Variants in KCNMA1 observed in about 807,000 individuals in gnomAD.
KCNMA1 encodes the protein Calcium-activated potassium channel subunit alpha-1.
A neutral mutation model predicts 140.0 loss-of-function variants in KCNMA1; 29 were observed. The ratio of observed to expected loss-of-function variants is 0.21; its 90% CI spans 0.15 to 0.28. The LOEUF is 0.28. KCNMA1 is among the 10% of genes least tolerant of loss of function. The pLI is 1.00. For missense variants in KCNMA1, 880 were observed against 1,602.2 expected, an observed-to-expected ratio of 0.55 and a Z score of 7.70; for synonymous variants, 612 against 611.9, an observed-to-expected ratio of 1.00 and a Z score of 0.00.
intron 2 of KCNMA1, among the ~76,000 whole-genome samples, chr10:77,312,525 C>A (rs185370498): frequency 3.8e-4 from 58 of 152,284 alleles, no homozygotes; most frequent in Non-Finnish European, 6.6e-4. Context: ...ACTTGGGAGG[C>A]TGAGAGAGGA....
chr10:77,160,397 C>T (rs531664692), intron 5 of KCNMA1, among the ~76,000 whole-genome samples: 3 of 152,320 alleles, frequency 2.0e-5, no homozygotes, highest in African/African-American at 7.2e-5. Context: ...GCTCCCCCAG[C>T]AAGTCCCTAT....
intron 11 of KCNMA1, 47 bp downstream of exon 11, chr10:77,086,440 AC>A: frequency 7.1e-7 from 1 of 1,401,452 alleles, no homozygotes; most frequent in South Asian, 1.2e-5. Flanking sequence ...CTCCCCCCAG[AC>A]CCACACCAAG....
chr10:77,120,956 G>A lies in KCNMA1; in HGVS notation c.884+17C>T. 6.7e-7 allele frequency: 1 copy of A among 1,497,558 alleles called. No individual in the cohort carries two copies. The highest frequency in any genetic ancestry group is 9.3e-7 in the Non-Finnish European group (1 of 1,074,916). 92.8% of individuals were successfully genotyped at this position (1,497,558 alleles called of 1,614,324 possible). On this transcript the variant is annotated intron_variant, in intron 6 of 27. Coordinates refer to ENST00000286628, the MANE Select transcript of KCNMA1 (RefSeq NM_001161352.2). ...TAGGGGACTGGAATGAAAAAAATAT[G>A]ACGAAGAACATCTTACCTTGTTTTA...
chr10:76,948,881 C>G (rs75871361), intron 22 of KCNMA1: 1 of 535,992 alleles, frequency 1.9e-6, no homozygotes, highest in African/African-American at 1.9e-5. Context: ...AGTGTTTAGA[C>G]GCTGATATGG....
chr10:77,554,141 C>T (rs1448765566), intron 1 of KCNMA1, among the ~76,000 whole-genome samples: 1 of 152,156 alleles, frequency 6.6e-6, no homozygotes, highest in Non-Finnish European at 1.5e-5. Context: ...CAAGCCAAGC[C>T]GGACTGCCCA....
intron 1 of KCNMA1, among the ~76,000 whole-genome samples, chr10:77,594,439 G>C (rs982821910): frequency 3.9e-5 from 6 of 152,158 alleles, no homozygotes; most frequent in Non-Finnish European, 8.8e-5. Flanking sequence ...GTCGGATGGG[G>C]CCAGTCAGCA....
intron 25 of KCNMA1, among the ~76,000 whole-genome samples, chr10:76,896,140 G>T (rs2042397989): frequency 6.6e-6 from 1 of 152,198 alleles, no homozygotes; most frequent in African/African-American, 2.4e-5. Flanking sequence ...GGAGGCCAGG[G>T]AGTGTTTCAT....
chr10:77,003,773 A>C (rs916682240), intron 18 of KCNMA1, among the ~76,000 whole-genome samples: 3 of 152,224 alleles, frequency 2.0e-5, no homozygotes, highest in African/African-American at 7.2e-5. Flanking sequence ...TGGAGAAAGA[A>C]AGTTCTTATA....
intron 1 of KCNMA1, among the ~76,000 whole-genome samples, chr10:77,438,247 C>G (rs531038700): frequency 2.4e-4 from 37 of 152,104 alleles, no homozygotes; most frequent in African/African-American, 8.4e-4. Context: ...CATGTGGGCT[C>G]TAATTTTTCT....
chr10:77,307,916 G>A (rs765374454), intron 2 of KCNMA1, among the ~76,000 whole-genome samples: 3 of 152,136 alleles, frequency 2.0e-5, no homozygotes, highest in Admixed American at 1.3e-4. Flanking sequence ...ACCATTGTAC[G>A]TTGAGAAGCA....
At chr10:77,129,530 A>G (rs1413091698) in intron 5 of KCNMA1, among the ~76,000 whole-genome samples, 3 of 152,208 alleles carry the variant, frequency 2.0e-5, no homozygotes, top group Non-Finnish European at 4.4e-5. Context: ...ATCAATTTTA[A>G]AGAACATACT....
intron 3 of KCNMA1, among the ~76,000 whole-genome samples, chr10:77,248,740 GC>G (rs1227671445): frequency 2.0e-5 from 3 of 151,884 alleles, no homozygotes; most frequent in Admixed American, 2.0e-4. Flanking sequence ...CATTCACTAA[GC>G]TCGATTATAA....
In KCNMA1 at chr10:77,188,502, AT is replaced by A. The variant is rs573895769; in HGVS notation, c.603-3587del. ...TACTAAAACCACAGGCAAATTTAGC[AT>A]GTTGACCAGGACTCCATGACTGAGC... On this transcript the variant is annotated intron_variant, in intron 3 of 27. Transcript: ENST00000286628. 2.5e-4 allele frequency among the ~76,000 whole-genome samples: 38 copies of A among 152,314 alleles called. No homozygotes were observed. The South Asian group carries it at 7.7e-3, about 31-fold the overall frequency.
intron 1 of KCNMA1, among the ~76,000 whole-genome samples, chr10:77,632,115 T>A (rs931121835): frequency 2.0e-5 from 3 of 152,088 alleles, no homozygotes; most frequent in African/African-American, 7.2e-5. Flanking sequence ...TTGAGGGCAT[T>A]TTAACCACTT....
At chr10:77,053,068 A>G (rs1202977712) in intron 14 of KCNMA1, among the ~76,000 whole-genome samples, 1 of 152,196 alleles carries the variant, frequency 6.6e-6, no homozygotes, top group Non-Finnish European at 1.5e-5. Flanking sequence ...CAGCATCCCC[A>G]GAAAACTGAC....
At chr10:77,153,758 T>C (rs769206522) in intron 5 of KCNMA1, among the ~76,000 whole-genome samples, 1 of 152,190 alleles carries the variant, frequency 6.6e-6, no homozygotes, top group Non-Finnish European at 1.5e-5. Context: ...TTTGAAATCA[T>C]TTATGGGAGC....
At position 77,108,989 on chromosome 10, in the gene KCNMA1, G is replaced by A. The variant is rs1203564992; in HGVS notation, c.1132-417C>T. 6.6e-6 allele frequency among the ~76,000 whole-genome samples: 1 copy of A among 151,392 alleles called. No individual in the cohort carries two copies. The highest frequency in any genetic ancestry group is 2.4e-5 in the African/African-American group (1 of 41,182). On this transcript the variant is annotated intron_variant, in intron 8 of 27. Transcript: ENST00000286628. The surrounding 1 kb of genome is among the most constrained non-coding windows in gnomAD (Gnocchi z 4.6). ...CTTCCTTTGTCATTAAAATTCAGAG[G>A]AGAATCAATGCTTTTATGAGTGACA...
intron 1 of KCNMA1, among the ~76,000 whole-genome samples, chr10:77,435,176 G>A (rs539733476): frequency 5.3e-5 from 8 of 151,986 alleles, no homozygotes; most frequent in South Asian, 2.1e-4. Context: ...AGGCTCAAGC[G>A]ATCTTCCCGC....
At chr10:77,085,414 T>C (rs2153765026) in intron 11 of KCNMA1, among the ~76,000 whole-genome samples, 1 of 152,366 alleles carries the variant, frequency 6.6e-6, no homozygotes, top group Non-Finnish European at 1.5e-5. Flanking sequence ...GATGTGCTAA[T>C]GATTGCTTGC....
Sources: gnomAD v4.1 joint callset for allele counts (sites outside exome capture counted in the v4.1 genomes callset) on GRCh38, gnomAD v4.1.1 for gene constraint, Gnocchi (gnomAD v3.1) non-coding constraint, MANE v1.5 for transcripts, NCBI Gene and HGNC (gene_info 2026-07-23, HGNC 2026-07-21) for gene names.